STK38L: variants seen among roughly 807,000 people sequenced by gnomAD.
The protein encoded by STK38L is serine/threonine kinase 38 like, also known as serine/threonine-protein kinase 38-like.
In STK38L, 28 loss-of-function variants were observed where a neutral mutation model predicts 59.7. The ratio of observed to expected loss-of-function variants is 0.47; its 90% confidence interval spans 0.35 to 0.64. STK38L has a LOEUF of 0.64. Ranked by LOEUF, STK38L falls within the 30% of genes least tolerant of loss-of-function variation. STK38L has a pLI of 0.01. For synonymous variants in STK38L, 162 were observed against 176.8 expected (o/e 0.92, Z 0.66); for missense variants, 314 against 555.8 (o/e 0.56, Z 4.37).
intron 5 of STK38L, among the ~76,000 whole-genome samples, chr12:27,312,348 G>A (rs1481293051): frequency 1.3e-5 from 2 of 152,126 alleles, no homozygotes; most frequent in African/African-American, 2.4e-5. Flanking sequence ...CACCTTTTCA[G>A]ACCTAAAGAT....
At chr12:27,311,080 T>G (rs979324559) in intron 5 of STK38L, among the ~76,000 whole-genome samples, 1 of 152,264 alleles carries the variant, frequency 6.6e-6, no homozygotes, top group Admixed American at 6.5e-5. Flanking sequence ...GGATCCTGTT[T>G]TGGAAAGGGA....
At chr12:27,313,275 A>T (rs1467453856) in intron 6 of STK38L, among the ~76,000 whole-genome samples, 1 of 151,128 alleles carries the variant, frequency 6.6e-6, no homozygotes, top group East Asian at 1.9e-4. Flanking sequence ...AATACCTGAG[A>T]CTGTGTAATT....
chr12:27,266,636 A>G (rs1369135960), intron 1 of STK38L, among the ~76,000 whole-genome samples: 1 of 152,184 alleles, frequency 6.6e-6, no homozygotes, highest in Non-Finnish European at 1.5e-5. Flanking sequence ...GTTTGATCCC[A>G]CTTGTCCAGG....
intron 1 of STK38L, among the ~76,000 whole-genome samples, chr12:27,249,688 A>G (rs1400631625): frequency 6.6e-6 from 1 of 152,114 alleles, no homozygotes; most frequent in Non-Finnish European, 1.5e-5. Flanking sequence ...CCCTTAATTA[A>G]CACCAGATCA....
intron 1 of STK38L, among the ~76,000 whole-genome samples, chr12:27,267,254 A>C (rs1230266409): frequency 1.3e-5 from 2 of 152,170 alleles, no homozygotes; most frequent in Admixed American, 6.5e-5. Flanking sequence ...ACAATAAAGG[A>C]AAATGAAACA....
rs750439040 is a variant in STK38L, at chr12:27,322,505, C to G, written c.*50C>G. On this transcript the variant is annotated 3_prime_UTR_variant, in exon 14 of 14. Coordinates refer to ENST00000389032, the MANE Select transcript of STK38L (RefSeq NM_015000.4). ...CAAGAGAACTCAGGTAGCTGCATCACCAGGCTTGCTTGGCGTAGATAACAA... is the reference window on the plus strand; with the variant it reads ...CAAGAGAACTCAGGTAGCTGCATCAGCAGGCTTGCTTGGCGTAGATAACAA... 2 of 1,592,962 alleles carry G rather than the reference C, an allele frequency of 1.3e-6. No homozygotes were observed. The highest frequency in any genetic ancestry group is 4.5e-5 in the East Asian group (2 of 44,808).
chr12:27,266,467 A>C (rs1432077015), intron 1 of STK38L, among the ~76,000 whole-genome samples: 1 of 152,228 alleles, frequency 6.6e-6, no homozygotes, highest in Non-Finnish European at 1.5e-5. Context: ...TCTCCCTGTC[A>C]GTCCGCCATT....
chr12:27,317,865 A>G lies in STK38L; in HGVS notation c.956-31A>G, dbSNP rs200285228. ...ATAAACTTCACTGCTCACAAAGCTG[A>G]TGAAACATTTTTGATTTATTTGATA... On this transcript the variant is annotated intron_variant, in intron 10 of 13. Coordinates refer to ENST00000389032, the MANE Select transcript of STK38L (RefSeq NM_015000.4). 1.9e-4 allele frequency: 307 copies of G among 1,611,138 alleles called. 4 individuals are homozygous for G. The Middle Eastern group carries it at 8.6e-3, about 45-fold the overall frequency.
At chr12:27,313,502 C>T (rs1173506198) in intron 6 of STK38L, among the ~76,000 whole-genome samples, 8 of 152,002 alleles carry the variant, frequency 5.3e-5, no homozygotes, top group African/African-American at 1.7e-4. Context: ...CTGTCTCAGC[C>T]TCCTGAGTAG....
At chr12:27,287,936 G>A (rs781439652) in intron 1 of STK38L, among the ~76,000 whole-genome samples, 24 of 152,310 alleles carry the variant, frequency 1.6e-4, no homozygotes, top group East Asian at 1.5e-3. Flanking sequence ...AGGCAGGAGC[G>A]CAGTGGTGCG....
intron 3 of STK38L, among the ~76,000 whole-genome samples, chr12:27,304,473 C>G (rs1378320091): frequency 6.6e-6 from 1 of 151,936 alleles, no homozygotes; most frequent in Non-Finnish European, 1.5e-5. Flanking sequence ...CTAGAAAACT[C>G]AGATGTTTTT....
rs1449004008 is a variant in STK38L, at chr12:27,308,888, G to A, written c.310-226G>A. 4.3e-5 allele frequency among the ~76,000 whole-genome samples: 6 copies of A among 139,694 alleles called. No homozygotes were observed. Among genetic ancestry groups the A allele is most frequent in the Non-Finnish European group, 6.3e-5 (4 of 63,830 alleles). 91.6% of individuals were successfully genotyped at this position (139,694 alleles called of 152,430 possible). A position where few individuals can be genotyped will look rare whatever the true frequency, so the allele number is the denominator to read the frequency against. On this transcript the variant is annotated intron_variant, in intron 4 of 13. Transcript: ENST00000389032. The surrounding 1 kb of genome is among the most constrained non-coding windows in gnomAD (Gnocchi z 4.5). ...TATATAAATATAAATATATATAAAT[G>A]TAAATATATAAATATATATAAATAT...
intron 1 of STK38L, among the ~76,000 whole-genome samples, chr12:27,262,470 A>G (rs375699642): frequency 3.6e-4 from 55 of 152,316 alleles, no homozygotes; most frequent in African/African-American, 1.2e-3. Context: ...ATCGTAAAAC[A>G]TTACATTTTC....
chr12:27,256,743 T>G (rs1379052397), intron 1 of STK38L, among the ~76,000 whole-genome samples: 1 of 152,252 alleles, frequency 6.6e-6, no homozygotes, highest in Admixed American at 6.5e-5. Flanking sequence ...GAATTAGAGA[T>G]AATTTTATGT....
intron 9 of STK38L, 56 bp downstream of exon 9, chr12:27,315,406 G>A (rs1397772932): frequency 7.4e-7 from 1 of 1,356,388 alleles, no homozygotes; most frequent in Non-Finnish European, 1.0e-6. Context: ...ATCTTACCTG[G>A]TTTTAACTTG....
chr12:27,317,067 A>T (rs964629341), intron 9 of STK38L, among the ~76,000 whole-genome samples: 1 of 152,148 alleles, frequency 6.6e-6, no homozygotes, highest in African/African-American at 2.4e-5. Context: ...GCACATATGG[A>T]CACTCTATAA....
intron 1 of STK38L, among the ~76,000 whole-genome samples, chr12:27,246,924 G>T (rs1384437374): frequency 6.6e-6 from 1 of 152,212 alleles, no homozygotes; most frequent in Non-Finnish European, 1.5e-5. Context: ...AACTGTGGTT[G>T]CTGTCTTCAA....
intron 1 of STK38L, among the ~76,000 whole-genome samples, chr12:27,289,429 A>G (rs1943848871): frequency 6.6e-6 from 1 of 152,240 alleles, no homozygotes; most frequent in Non-Finnish European, 1.5e-5. Flanking sequence ...TGCCATGAAC[A>G]TCATTACTAC....
At position 27,309,677 on chromosome 12, in the gene STK38L, T is replaced by G. The variant is rs185345882; in HGVS notation, c.393+480T>G. ...CATTAATTAACCTTAATTAATTCCCTAAGGGTCCATCTCCAAATACAGCCT... is the reference window on the plus strand; with the variant it reads ...CATTAATTAACCTTAATTAATTCCCGAAGGGTCCATCTCCAAATACAGCCT... On this transcript the variant is annotated intron_variant, in intron 5 of 13. Transcript: ENST00000389032. Among the ~76,000 whole-genome samples the G allele has an allele frequency of 4.4e-3, 677 of 152,332 alleles. 6 individuals carry two copies. The highest frequency in any genetic ancestry group is 0.016 in the African/African-American group (650 of 41,574).
Sources: gnomAD v4.1 joint callset for allele counts (sites outside exome capture counted in the v4.1 genomes callset) on GRCh38, gnomAD v4.1.1 for gene constraint, Gnocchi (gnomAD v3.1) non-coding constraint, MANE v1.5 for transcripts, NCBI Gene and HGNC (gene_info 2026-07-23, HGNC 2026-07-21) for gene names.